EML6: variants seen among roughly 807,000 people sequenced by gnomAD.
EML6 encodes the protein EMAP like 6.
Under a neutral mutation model 240.1 loss-of-function variants are expected in EML6, and 154 were observed. The observed-to-expected ratio is 0.64, with a 90% CI of 0.56 to 0.73. EML6 has a LOEUF of 0.73. Ranked by LOEUF, EML6 falls within the 30% of genes least tolerant of loss-of-function variation. EML6 has a pLI of 0.00. For missense variants in EML6, 2,964 were observed against 2,474.6 expected (o/e 1.20, Z -4.20); for synonymous variants, 1,148 against 899.0 (o/e 1.28, Z -4.95).
At chr2:54,845,545 C>G (rs1459245844) in intron 8 of EML6, among the ~76,000 whole-genome samples, 1 of 152,072 alleles carries the variant, frequency 6.6e-6, no homozygotes, top group African/African-American at 2.4e-5. Context: ...TTTAGGAAGG[C>G]TAAAAGTCAT....
At position 54,850,809 on chromosome 2, in the gene EML6, C is replaced by T. The variant is rs986770366; in HGVS notation, c.1444+591C>T. 7.9e-5 allele frequency among the ~76,000 whole-genome samples: 12 copies of T among 152,240 alleles called. No individual in the cohort carries two copies. The South Asian group carries it at 1.9e-3, about 24-fold the overall frequency. On this transcript the variant is annotated intron_variant, in intron 10 of 41. Transcript: ENST00000356458. ...GACACAATGCCTAAATGTTTATCAGCATGAGGAGAGTTGAGTTAAATGTGG... is the reference window on the plus strand; with the variant it reads ...GACACAATGCCTAAATGTTTATCAGTATGAGGAGAGTTGAGTTAAATGTGG...
chr2:54,962,469 G>A, intron 35 of EML6, 54 bp from the exon 36 acceptor site: 1 of 1,342,234 alleles, frequency 7.5e-7, no homozygotes, highest in Non-Finnish European at 1.0e-6. Flanking sequence ...TACCTCATAT[G>A]AGTGCAGTCA....
chr2:54,794,241 C>G (rs2103925836), intron 2 of EML6, among the ~76,000 whole-genome samples: 1 of 152,320 alleles, frequency 6.6e-6, no homozygotes, highest in South Asian at 2.1e-4. Context: ...GGCTTCTGGA[C>G]TGTGCCATTA....
intron 24 of EML6, among the ~76,000 whole-genome samples, chr2:54,903,910 C>T (rs529483512): frequency 6.6e-6 from 1 of 152,296 alleles, no homozygotes; most frequent in South Asian, 2.1e-4. Context: ...AAGGCTCAAG[C>T]AAATTTCCTC....
At chr2:54,919,740 T>A (rs892235580) in intron 26 of EML6, among the ~76,000 whole-genome samples, 10 of 152,200 alleles carry the variant, frequency 6.6e-5, no homozygotes, top group African/African-American at 2.4e-4. Context: ...CCCACAGTAC[T>A]ATTGCATCTT....
At chr2:54,949,092 C>T (rs1187471319) in intron 29 of EML6, 132 bp downstream of exon 29, 11 of 693,532 alleles carry the variant, frequency 1.6e-5, no homozygotes, top group Non-Finnish European at 2.8e-5. Context: ...TTTGTCCCCT[C>T]TCCCTCCTAC....
chr2:54,723,913 G>T, intron 1 of EML6, 136 bp downstream of exon 1: 1 of 152,498 alleles, frequency 6.6e-6, no homozygotes, highest in Non-Finnish European at 1.5e-5. Context: ...GCAGCGCGCC[G>T]ACCCCCGGGA....
At position 54,767,166 on chromosome 2, in the gene EML6, T is replaced by C. The variant is rs1224392449; in HGVS notation, c.197+41908T>C. Among the ~76,000 whole-genome samples the C allele has an allele frequency of 2.0e-5, 3 of 152,190 alleles. No homozygotes were observed. In the East Asian group the frequency reaches 5.8e-4, roughly 29 times the overall value. ...GCTGTCACTGTTTCTTTGAAGCATC[T>C]TGAATACTATTTTGACACTGTTACA... On this transcript the variant is annotated intron_variant, in intron 2 of 41. Coordinates refer to ENST00000356458, the MANE Select transcript of EML6 (RefSeq NM_001039753.4).
intron 10 of EML6, among the ~76,000 whole-genome samples, chr2:54,852,725 T>C (rs914100007): frequency 1.3e-5 from 2 of 152,242 alleles, no homozygotes; most frequent in Non-Finnish European, 2.9e-5. Context: ...GCCAATTTGA[T>C]AATGCACCAG....
chr2:54,824,948 GATA>G (rs1158876901), intron 5 of EML6, among the ~76,000 whole-genome samples: 3 of 152,302 alleles, frequency 2.0e-5, no homozygotes, highest in African/African-American at 7.2e-5. Flanking sequence ...CTCAAAAAGA[GATA>G]ATATTTCAGG....
At chr2:54,762,580 T>C (rs1331129837) in intron 2 of EML6, among the ~76,000 whole-genome samples, 2 of 152,338 alleles carry the variant, frequency 1.3e-5, no homozygotes, top group East Asian at 1.9e-4. Flanking sequence ...AAAAACTCCA[T>C]TGTTCCTTCC....
At chr2:54,918,077 T>C (rs1674026127) in intron 26 of EML6, among the ~76,000 whole-genome samples, 2 of 152,254 alleles carry the variant, frequency 1.3e-5, no homozygotes, top group African/African-American at 2.4e-5. Flanking sequence ...TCCCCAAGCC[T>C]GTACTTACAC....
At chr2:54,862,331 C>G (rs1035567071) in intron 12 of EML6, among the ~76,000 whole-genome samples, 37 of 117,010 alleles carry the variant, frequency 3.2e-4, no homozygotes, top group African/African-American at 1.4e-3. Context: ...TAACATGACT[C>G]CATCTCTAAA....
intron 17 of EML6, chr2:54,882,492 G>A (rs1558645830): frequency 6.6e-6 from 1 of 151,964 alleles, no homozygotes; most frequent in Non-Finnish European, 1.5e-5. Flanking sequence ...ATGAATAGGA[G>A]GGATCTTGGA....
At chr2:54,859,459 A>T in intron 11 of EML6, 75 bp from the exon 12 acceptor site, 1 of 1,156,252 alleles carries the variant, frequency 8.6e-7, no homozygotes, top group Admixed American at 2.6e-5. Context: ...TTCAACATGA[A>T]CAGAAGGGGG....
intron 10 of EML6, among the ~76,000 whole-genome samples, chr2:54,851,151 G>A (rs1670062163): frequency 6.6e-6 from 1 of 152,192 alleles, no homozygotes; most frequent in Admixed American, 6.5e-5. Flanking sequence ...GCTCATGCCT[G>A]TAATCCTAGC....
intron 7 of EML6, among the ~76,000 whole-genome samples, chr2:54,839,162 T>C (rs1178768289): frequency 6.6e-6 from 1 of 152,208 alleles, no homozygotes; most frequent in African/African-American, 2.4e-5. Flanking sequence ...AGGGAATTAA[T>C]GTCAGAACTT....
Position 54,964,595 on chromosome 2 carries a change from A to C in EML6, c.5355A>C (p.Leu1785Phe), listed in dbSNP as rs1676668949. The change falls in exon 38 of 42, where the codon TTA (leucine) becomes TTC (phenylalanine). Residue 1785 changes from leucine to phenylalanine, a missense_variant. Physicochemically the swap from Leu to Phe is conservative, Grantham distance 22. Coordinates refer to ENST00000356458, the MANE Select transcript of EML6 (RefSeq NM_001039753.4). ...DIRISPDNRF[L>F]AVGSSEHTVD... is the part of the protein sequence containing the mutation. ...GAATCAGCCCAGACAACCGATTCTTAGCCGTTGGTTCTTCTGAACACACAG... is the reference window on the plus strand; with the variant it reads ...GAATCAGCCCAGACAACCGATTCTTCGCCGTTGGTTCTTCTGAACACACAG... The C allele has an allele frequency of 6.4e-7, 1 of 1,552,302 alleles. No individual in the cohort carries two copies. Among genetic ancestry groups the C allele is most frequent in the African/African-American group, 1.4e-5 (1 of 73,076 alleles).
At chr2:54,838,075 G>T (rs191425779) in intron 7 of EML6, among the ~76,000 whole-genome samples, 2 of 152,316 alleles carry the variant, frequency 1.3e-5, no homozygotes, top group African/African-American at 4.8e-5. Flanking sequence ...TGAGTTTGCA[G>T]TGCCAGCAGA....
Sources: allele counts gnomAD v4.1 joint callset (sites outside exome capture counted in the v4.1 genomes callset), GRCh38; gene constraint gnomAD v4.1.1; transcripts MANE v1.5; gene names NCBI Gene and HGNC (gene_info 2026-07-23, HGNC 2026-07-21).